AGBL4: variants seen among roughly 807,000 people sequenced by gnomAD.
The protein encoded by AGBL4 is cytosolic carboxypeptidase 6.
Under a neutral mutation model 66.4 loss-of-function variants are expected in AGBL4, and 58 were observed. The ratio of observed to expected loss-of-function variants is 0.87; its 90% confidence interval spans 0.71 to 1.09. AGBL4 has a LOEUF of 1.09. Ranked by LOEUF, AGBL4 falls within the 50% of genes least tolerant of loss-of-function variation. The probability of loss-of-function intolerance (pLI) is 0.00; values close to 1 mark genes in which losing one functional copy is unlikely to be tolerated. For missense variants in AGBL4, 579 were observed against 631.0 expected (o/e 0.92, Z 0.88); for synonymous variants, 234 against 222.9 (o/e 1.05, Z -0.44).
chr1:49,722,672 T>C (rs1423899235), intron 2 of AGBL4, among the ~76,000 whole-genome samples: 1 of 152,188 alleles, frequency 6.6e-6, no homozygotes, highest in Non-Finnish European at 1.5e-5. Flanking sequence ...TGATTTTACA[T>C]TGATTGAATG....
intron 3 of AGBL4, among the ~76,000 whole-genome samples, chr1:49,332,696 G>T (rs1401364258): frequency 6.6e-6 from 1 of 152,146 alleles, no homozygotes; most frequent in African/African-American, 2.4e-5. Flanking sequence ...AGTTTCAGAA[G>T]AGTAATTATT....
At position 48,792,800 on chromosome 1, in the gene AGBL4, T is replaced by G. The variant is rs573154586; in HGVS notation, c.634+74391A>C. 2.6e-4 allele frequency among the ~76,000 whole-genome samples: 39 copies of G among 152,280 alleles called. 1 individual carries two copies. The South Asian group carries it at 8.1e-3, about 32-fold the overall frequency. ...TAAATTTTTAGAAAACTACAAATAT[T>G]TAAGCATTGCTGGAGTATGGTGCTG... On this transcript the variant is annotated intron_variant, in intron 6 of 13. Transcript: ENST00000371839.
intron 1 of AGBL4, among the ~76,000 whole-genome samples, chr1:50,011,507 A>C (rs2148437335): frequency 6.6e-6 from 1 of 152,354 alleles, no homozygotes; most frequent in African/African-American, 2.4e-5. Context: ...TGAGCTACCT[A>C]TGATCCAGCA....
At chr1:49,369,464 A>G (rs1475212505) in intron 3 of AGBL4, among the ~76,000 whole-genome samples, 5 of 152,214 alleles carry the variant, frequency 3.3e-5, no homozygotes, top group Admixed American at 2.6e-4. Flanking sequence ...AAAAGGCAGC[A>G]AAGAACAGTG....
At chr1:49,989,343 G>C (rs1036847787) in intron 1 of AGBL4, among the ~76,000 whole-genome samples, 21 of 152,142 alleles carry the variant, frequency 1.4e-4, no homozygotes, top group African/African-American at 5.1e-4. Context: ...GGCAGGAAAG[G>C]CTCCAATGGG....
At chr1:49,761,134 T>G (rs919644113) in intron 2 of AGBL4, among the ~76,000 whole-genome samples, 1 of 151,332 alleles carries the variant, frequency 6.6e-6, no homozygotes, top group African/African-American at 2.4e-5. Context: ...GCATCCCGTT[T>G]TTTTTTTTTT....
At chr1:49,948,031 TATATAC>T (rs1257253864) in intron 1 of AGBL4, among the ~76,000 whole-genome samples, 2 of 27,968 alleles carry the variant, frequency 7.2e-5, no homozygotes, top group Admixed American at 6.7e-4. Flanking sequence ...TATATAAATA[TATATAC>T]ATATAAATAT....
rs1051725409 is a variant in AGBL4, at chr1:49,245,812, T to C, written c.335A>G (p.Asp112Gly). ...AGATTTCACCATAGGGGCCATCCCA[T>C]CTCTATAGAGACTCTTGGTTTTACT... is the stretch of plus-strand genomic sequence containing the variant. ...NFSKTKSLYR[D>G]GMAPMVKSTS... is the part of the protein sequence containing the mutation. The change falls in exon 4 of 14, where the codon GAT (aspartate) becomes GGT (glycine). Residue 112 changes from aspartate to glycine, a missense_variant. Transcript: ENST00000371839. 6.5e-7 allele frequency: 1 copy of C among 1,549,840 alleles called. No individual in the cohort carries two copies. Among genetic ancestry groups the C allele is most frequent in the Admixed American group, 2.0e-5 (1 of 50,926 alleles).
intron 2 of AGBL4, among the ~76,000 whole-genome samples, chr1:49,740,603 T>C (rs112839405): frequency 6.6e-6 from 1 of 152,166 alleles, no homozygotes; most frequent in Non-Finnish European, 1.5e-5. Context: ...ATACATTCTT[T>C]TCAGCACCAC....
At chr1:49,671,889 A>T (rs1646483361) in intron 3 of AGBL4, among the ~76,000 whole-genome samples, 1 of 152,158 alleles carries the variant, frequency 6.6e-6, no homozygotes, top group African/African-American at 2.4e-5. Context: ...TGTTGATGGG[A>T]GTGTAAAGTA....
intron 2 of AGBL4, among the ~76,000 whole-genome samples, chr1:49,819,707 C>T (rs2147989599): frequency 6.6e-6 from 1 of 152,330 alleles, no homozygotes; most frequent in East Asian, 1.9e-4. Flanking sequence ...CTCCCACCCA[C>T]ACACCATACG....
At chr1:49,610,690 G>A (rs1645138759) in intron 3 of AGBL4, among the ~76,000 whole-genome samples, 1 of 152,172 alleles carries the variant, frequency 6.6e-6, no homozygotes, top group Non-Finnish European at 1.5e-5. Flanking sequence ...CCTCATCTAT[G>A]AGGAAGAGGT....
chr1:49,284,513 C>A (rs1238627258), intron 3 of AGBL4, among the ~76,000 whole-genome samples: 2 of 151,960 alleles, frequency 1.3e-5, no homozygotes, highest in East Asian at 3.9e-4. Flanking sequence ...ATCAAATTCA[C>A]ATATAACAAT....
chr1:49,921,768 A>G (rs1652279188), intron 1 of AGBL4, among the ~76,000 whole-genome samples: 1 of 152,192 alleles, frequency 6.6e-6, no homozygotes, highest in Non-Finnish European at 1.5e-5. Flanking sequence ...TGAAAGCCAG[A>G]AGACTAAGCA....
intron 5 of AGBL4, among the ~76,000 whole-genome samples, chr1:48,930,627 A>G (rs58662006): frequency 9.1e-4 from 138 of 152,280 alleles, no homozygotes; most frequent in African/African-American, 3.1e-3. Context: ...CTGAGCCTCA[A>G]ATTCCTCATC....
At chr1:49,285,434 G>C (rs1162603904) in intron 3 of AGBL4, among the ~76,000 whole-genome samples, 2 of 151,940 alleles carry the variant, frequency 1.3e-5, no homozygotes, top group Non-Finnish European at 2.9e-5. Flanking sequence ...ATCCAAAATT[G>C]ACACCCTAAG....
intron 1 of AGBL4, among the ~76,000 whole-genome samples, chr1:49,878,069 G>C (rs1046480788): frequency 6.6e-6 from 1 of 150,790 alleles, no homozygotes; most frequent in Non-Finnish European, 1.5e-5. Context: ...TATTAGTCTT[G>C]CTAGCGGTCT....
At chr1:49,214,061 G>T (rs187916357) in intron 4 of AGBL4, among the ~76,000 whole-genome samples, 2 of 152,228 alleles carry the variant, frequency 1.3e-5, no homozygotes, top group Admixed American at 1.3e-4. Flanking sequence ...TGGACGCACA[G>T]TAATAAAGCT....
intron 3 of AGBL4, among the ~76,000 whole-genome samples, chr1:49,260,945 A>G (rs1402642018): frequency 1.3e-5 from 2 of 149,258 alleles, no homozygotes; most frequent in African/African-American, 4.9e-5. Context: ...CAGCACATCA[A>G]AAAGCTTATC....
Sources: gnomAD v4.1 joint callset for allele counts (sites outside exome capture counted in the v4.1 genomes callset) on GRCh38, gnomAD v4.1.1 for gene constraint, MANE v1.5 for transcripts, NCBI Gene and HGNC (gene_info 2026-07-23, HGNC 2026-07-21) for gene names.